MAOB: variants seen among roughly 807,000 people sequenced by gnomAD.
MAOB encodes monoamine oxidase B, also known as amine oxidase [flavin-containing] B.
MAOB carries 15 observed loss-of-function variants against 41.9 expected under a neutral mutation model. That is an observed-to-expected ratio of 0.36 (90% CI 0.24 to 0.55). The LOEUF is 0.55. Ranked by LOEUF, MAOB falls within the 20% of genes least tolerant of loss-of-function variation. The probability of loss-of-function intolerance (pLI) is 0.86; values close to 1 mark genes in which losing one functional copy is unlikely to be tolerated. For missense variants in MAOB, 345 were observed against 398.7 expected (o/e 0.87, Z 1.15); for synonymous variants, 167 against 144.2 (o/e 1.16, Z -1.13).
intron 3 of MAOB, among the ~76,000 whole-genome samples, chrX:43,824,538 C>T (rs1203637052): frequency 9.0e-6 from 1 of 111,494 alleles, no homozygotes; most frequent in East Asian, 2.8e-4. Context: ...GAAAAATTAG[C>T]TTGGCATGGT....
chrX:43,822,370 A>T (rs1297833976), intron 3 of MAOB, among the ~76,000 whole-genome samples: 4 of 112,517 alleles, frequency 3.6e-5, no homozygotes, highest in Non-Finnish European at 5.6e-5. Flanking sequence ...GTTGCTATGA[A>T]CATTAATCCC....
chrX:43,808,688 AT>A (rs1569218498), intron 3 of MAOB, among the ~76,000 whole-genome samples: 23 of 99,474 alleles, frequency 2.3e-4, no homozygotes, highest in South Asian at 1.4e-3. Flanking sequence ...CTATATCTAT[AT>A]CTACACATAG....
intron 13 of MAOB, among the ~76,000 whole-genome samples, chrX:43,769,067 T>C (rs1470440913): frequency 8.9e-6 from 1 of 112,159 alleles, no homozygotes; most frequent in Non-Finnish European, 1.9e-5. Flanking sequence ...CTTTCAAGTA[T>C]AGTCAGGTTG....
At chrX:43,772,196 T>C (rs2034193751) in intron 12 of MAOB, among the ~76,000 whole-genome samples, 1 of 111,493 alleles carries the variant, frequency 9.0e-6, no homozygotes, top group Admixed American at 9.5e-5. Context: ...TCTGGGCAGG[T>C]AGTCTCTGTT....
intron 3 of MAOB, among the ~76,000 whole-genome samples, chrX:43,834,256 C>G (rs1356242917): frequency 9.0e-6 from 1 of 111,317 alleles, no homozygotes; most frequent in Non-Finnish European, 1.9e-5. Flanking sequence ...TTCCTGGAGA[C>G]TTCTGTCTTT....
chrX:43,823,397 TC>T, intron 3 of MAOB, among the ~76,000 whole-genome samples: 1 of 110,241 alleles, frequency 9.1e-6, no homozygotes, highest in East Asian at 2.9e-4. Context: ...GATCTCAAAC[TC>T]CTGACCTCAG....
chrX:43,785,150 A>G (rs1289654089), intron 8 of MAOB, among the ~76,000 whole-genome samples: 1 of 112,973 alleles, frequency 8.9e-6, no homozygotes, highest in African/African-American at 3.2e-5. Context: ...TCCATCTCAA[A>G]ACAAAACAAA....
intron 1 of MAOB, among the ~76,000 whole-genome samples, chrX:43,866,243 G>T (rs1170699620): frequency 9.0e-6 from 1 of 111,604 alleles, no homozygotes; most frequent in African/African-American, 3.3e-5. Context: ...GTTAACACAG[G>T]TCACCTCAGG....
At chrX:43,828,556 G>A (rs1306591915) in intron 3 of MAOB, among the ~76,000 whole-genome samples, 1 of 110,958 alleles carries the variant, frequency 9.0e-6, no homozygotes, top group Non-Finnish European at 1.9e-5. Context: ...AAAAAAATCA[G>A]CATTAGGAAG....
chrX:43,880,871 G>A (rs1458547838), intron 1 of MAOB, among the ~76,000 whole-genome samples: 1 of 112,677 alleles, frequency 8.9e-6, no homozygotes, highest in Non-Finnish European at 1.9e-5. Context: ...GCTTCTGTAA[G>A]ATGGGGTGCT....
At chrX:43,851,468 ACTCC>A (rs1470467039) in intron 1 of MAOB, among the ~76,000 whole-genome samples, 1 of 111,506 alleles carries the variant, frequency 9.0e-6, no homozygotes, top group Non-Finnish European at 1.9e-5. Flanking sequence ...AAGCAATTGT[ACTCC>A]CTCAGTTATT....
At chrX:43,782,700 T>G (rs996424439) in intron 8 of MAOB, among the ~76,000 whole-genome samples, 1 of 111,542 alleles carries the variant, frequency 9.0e-6, no homozygotes, top group African/African-American at 3.3e-5. Flanking sequence ...AAAGACAATT[T>G]TAGACCAATA....
At chrX:43,778,373 C>T (rs978219510) in intron 11 of MAOB, among the ~76,000 whole-genome samples, 2 of 110,661 alleles carry the variant, frequency 1.8e-5, no homozygotes, top group East Asian at 2.9e-4. Context: ...CCCTCTTTTA[C>T]CCCCCTAACA....
At chrX:43,810,781 T>C (rs1476902301) in intron 3 of MAOB, among the ~76,000 whole-genome samples, 1 of 111,529 alleles carries the variant, frequency 9.0e-6, no homozygotes, top group Non-Finnish European at 1.9e-5. Flanking sequence ...TCATTAAAAT[T>C]GGAATCATGA....
chrX:43,853,145 G>C (rs1336051182), intron 1 of MAOB, among the ~76,000 whole-genome samples: 2 of 109,139 alleles, frequency 1.8e-5, no homozygotes, highest in African/African-American at 6.7e-5. Context: ...GCAAGTGCCT[G>C]TGGTCCCAGC....
chrX:43,785,406 A>G (rs745721458), intron 8 of MAOB, among the ~76,000 whole-genome samples: 8 of 112,691 alleles, frequency 7.1e-5, no homozygotes, highest in Admixed American at 1.9e-4. Context: ...CTTTGGCTTA[A>G]AGGAATATTG....
At chrX:43,784,629 G>A (rs2034376640) in intron 8 of MAOB, among the ~76,000 whole-genome samples, 1 of 112,184 alleles carries the variant, frequency 8.9e-6, no homozygotes, top group Admixed American at 9.4e-5. Context: ...CATTTATAGA[G>A]CACAGGCAGA....
chrX:43,796,726 T>C (rs1230337485), intron 6 of MAOB, among the ~76,000 whole-genome samples: 2 of 111,887 alleles, frequency 1.8e-5, no homozygotes, highest in African/African-American at 6.5e-5. Flanking sequence ...GAAATGGGCA[T>C]TGAATGAATG....
At chrX:43,801,537 T>A (rs1313900252) in intron 5 of MAOB, among the ~76,000 whole-genome samples, 1 of 112,378 alleles carries the variant, frequency 8.9e-6, no homozygotes, top group Non-Finnish European at 1.9e-5. Flanking sequence ...CCTTTCCATT[T>A]TCCCTGCTGT....
Sources: allele counts gnomAD v4.1 joint callset (sites outside exome capture counted in the v4.1 genomes callset), GRCh38; gene constraint gnomAD v4.1.1; transcripts MANE v1.5; gene names NCBI Gene and HGNC (gene_info 2026-07-23, HGNC 2026-07-21).